SSH2: variants seen among roughly 807,000 people sequenced by gnomAD.
The protein encoded by SSH2 is slingshot protein phosphatase 2, also known as protein phosphatase Slingshot homolog 2.
In SSH2, 37 loss-of-function variants were observed where a neutral mutation model predicts 135.2. The ratio of observed to expected loss-of-function variants is 0.27; its 90% confidence interval spans 0.21 to 0.36. SSH2 has a LOEUF of 0.36. SSH2 is among the 10% of genes least tolerant of loss of function. The probability of loss-of-function intolerance (pLI) is 1.00; values close to 1 mark genes in which losing one functional copy is unlikely to be tolerated. For missense variants in SSH2, 1,408 were observed against 1,765.3 expected, an observed-to-expected ratio of 0.80 and a Z score of 3.63; for synonymous variants, 628 against 646.2, an observed-to-expected ratio of 0.97 and a Z score of 0.43.
intron 2 of SSH2, among the ~76,000 whole-genome samples, chr17:29,814,394 C>G (rs568174367): frequency 7.7e-6 from 1 of 130,446 alleles, no homozygotes; most frequent in African/African-American, 2.9e-5. Context: ...GATTACACCA[C>G]TGCACTCCAG....
At position 29,759,076 on chromosome 17, in the gene SSH2, G is replaced by T. The variant is rs530072190; in HGVS notation, c.188+34818C>A. Among the ~76,000 whole-genome samples the T allele has an allele frequency of 2.6e-5, 4 of 151,968 alleles. 1 individual carries two copies. In the South Asian group the frequency reaches 6.2e-4, roughly 24 times the overall value. ...TTCTTTTTTATTTTTTTGAGACAGG[G>T]TCTTGCTCTGTCACCCAGGCTGGAG... On this transcript the variant is annotated intron_variant, in intron 3 of 15. Transcript: ENST00000540801.
intron 2 of SSH2, among the ~76,000 whole-genome samples, chr17:29,838,051 ACTTTT>A (rs1219295400): frequency 6.6e-6 from 1 of 152,154 alleles, no homozygotes; most frequent in Non-Finnish European, 1.5e-5. Flanking sequence ...GCATCTCTAT[ACTTTT>A]GAGGGCCCAG....
chr17:29,669,648 T>C (rs1269345914), intron 9 of SSH2, among the ~76,000 whole-genome samples: 1 of 152,174 alleles, frequency 6.6e-6, no homozygotes, highest in Admixed American at 6.5e-5. Flanking sequence ...ATTAACACTC[T>C]GGCCTACAGC....
intron 3 of SSH2, among the ~76,000 whole-genome samples, chr17:29,705,317 C>T (rs1032206452): frequency 1.3e-5 from 2 of 152,158 alleles, no homozygotes; most frequent in African/African-American, 4.8e-5. Context: ...CAAACATACA[C>T]AAAAGTAGAG....
intron 1 of SSH2, among the ~76,000 whole-genome samples, chr17:29,863,235 G>C (rs1406728361): frequency 1.3e-5 from 2 of 152,038 alleles, no homozygotes; most frequent in African/African-American, 4.8e-5. Flanking sequence ...ATGATAAATT[G>C]CCCAGAACTG....
intron 1 of SSH2, among the ~76,000 whole-genome samples, chr17:29,915,605 T>A (rs1283397180): frequency 1.3e-5 from 2 of 152,206 alleles, no homozygotes; most frequent in Non-Finnish European, 2.9e-5. Flanking sequence ...GTCAATGGAT[T>A]AATATGCTGC....
intron 1 of SSH2, among the ~76,000 whole-genome samples, chr17:29,923,858 A>T (rs981992630): frequency 6.6e-6 from 1 of 151,962 alleles, no homozygotes; most frequent in African/African-American, 2.4e-5. Context: ...GTGAGCTGAG[A>T]TCATGCCACT....
Position 29,824,172 on chromosome 17 carries a change from A to G in SSH2, c.144+24677T>C, listed in dbSNP as rs565304696. On this transcript the variant is annotated intron_variant, in intron 2 of 15. Coordinates refer to ENST00000540801, the MANE Select transcript of SSH2 (RefSeq NM_001282129.2). The stretch of plus-strand genomic sequence containing the variant: ...TGATATTTTTCAGTCACAAGTGGTA[A>G]AAACAAAAACAAAAACAAAACTACC... 1.1e-4 allele frequency among the ~76,000 whole-genome samples: 16 copies of G among 152,302 alleles called. No individual in the cohort carries two copies. The South Asian group carries it at 2.5e-3, about 24-fold the overall frequency.
At chr17:29,687,701 A>C (rs1042815881) in intron 5 of SSH2, among the ~76,000 whole-genome samples, 2 of 152,194 alleles carry the variant, frequency 1.3e-5, no homozygotes, top group Non-Finnish European at 2.9e-5. Context: ...ATATTATTAC[A>C]TATTTATATT....
intron 11 of SSH2, among the ~76,000 whole-genome samples, chr17:29,660,579 T>C (rs1366322360): frequency 1.3e-5 from 2 of 151,980 alleles, no homozygotes; most frequent in African/African-American, 4.8e-5. Flanking sequence ...TCTCTGTCTT[T>C]ATCTGTAAAA....
intron 1 of SSH2, among the ~76,000 whole-genome samples, chr17:29,886,476 G>T (rs183824497): frequency 6.6e-6 from 1 of 152,062 alleles, no homozygotes; most frequent in Non-Finnish European, 1.5e-5. Flanking sequence ...GCCGGGTGTC[G>T]TGGCTCACAC....
intron 3 of SSH2, among the ~76,000 whole-genome samples, chr17:29,741,611 CTTTTTT>C: frequency 7.1e-6 from 1 of 140,814 alleles, no homozygotes; most frequent in Admixed American, 7.1e-5. Flanking sequence ...AATCCCCCTC[CTTTTTT>C]TTTTTTTTTT....
At position 29,715,469 on chromosome 17, in the gene SSH2, T is replaced by A. The variant is rs528478500; in HGVS notation, c.189-12407A>T. Among the ~76,000 whole-genome samples, 9 of 151,202 alleles carry A rather than the reference T, an allele frequency of 6.0e-5. No homozygotes were observed. The East Asian group carries it at 1.4e-3, about 23-fold the overall frequency. On this transcript the variant is annotated intron_variant, in intron 3 of 15. Coordinates refer to ENST00000540801, the MANE Select transcript of SSH2 (RefSeq NM_001282129.2). ...ACTGTGTTAGCCAGGATGGTCTCGA[T>A]CTCCTGACCTCGTGATCCACCTGCC... is the stretch of plus-strand genomic sequence containing the variant.
Position 29,750,250 on chromosome 17 carries a change from C to T in SSH2, c.188+43644G>A, listed in dbSNP as rs558754645. On this transcript the variant is annotated intron_variant, in intron 3 of 15. Transcript: ENST00000540801. ...GTCAGGAGTTCGAGATCAGCCTGGC[C>T]AACATGGCGAAACCCCATCTCTACC... Among the ~76,000 whole-genome samples, 99 of 151,094 alleles carry T rather than the reference C, an allele frequency of 6.6e-4. No individual in the cohort carries two copies. In the East Asian group the frequency reaches 0.018, roughly 27 times the overall value.
intron 3 of SSH2, among the ~76,000 whole-genome samples, chr17:29,733,257 T>G (rs1432767989): frequency 6.6e-6 from 1 of 152,142 alleles, no homozygotes; most frequent in Non-Finnish European, 1.5e-5. Context: ...TAATAAAGAT[T>G]GTGTTGAAGT....
chr17:29,841,002 G>A (rs1208754749), intron 2 of SSH2, among the ~76,000 whole-genome samples: 1 of 152,184 alleles, frequency 6.6e-6, no homozygotes, highest in Non-Finnish European at 1.5e-5. Flanking sequence ...GTCTGAGAGA[G>A]CCCTCTAAAA....
intron 1 of SSH2, among the ~76,000 whole-genome samples, chr17:29,894,136 C>T (rs1351400259): frequency 1.3e-5 from 2 of 152,072 alleles, no homozygotes; most frequent in African/African-American, 4.8e-5. Flanking sequence ...ACTGTGTAAG[C>T]TTGGATCTTG....
intron 2 of SSH2, among the ~76,000 whole-genome samples, chr17:29,842,435 C>A: frequency 7.3e-6 from 1 of 137,002 alleles, no homozygotes. Flanking sequence ...GCCTGGGCGA[C>A]AGAGTGAGAC....
At chr17:29,807,014 A>C (rs993054486) in intron 2 of SSH2, among the ~76,000 whole-genome samples, 1 of 152,236 alleles carries the variant, frequency 6.6e-6, no homozygotes, top group Admixed American at 6.5e-5. Context: ...AGGCTAAATA[A>C]AATCCATCTG....
Sources: gnomAD v4.1 joint callset for allele counts (sites outside exome capture counted in the v4.1 genomes callset) on GRCh38, gnomAD v4.1.1 for gene constraint, MANE v1.5 for transcripts, NCBI Gene and HGNC (gene_info 2026-07-23, HGNC 2026-07-21) for gene names.